The following SORD variants were observed in gnomAD, a reference collection of about 807,000 sequenced individuals.
SORD encodes the protein sorbitol dehydrogenase, also known as (R,R)-butanediol dehydrogenase.
A neutral mutation model predicts 35.6 loss-of-function variants in SORD; 18 were observed. The ratio of observed to expected loss-of-function variants is 0.51; its 90% CI spans 0.35 to 0.75. SORD has a LOEUF of 0.75. Ranked by LOEUF, SORD falls within the 30% of genes least tolerant of loss-of-function variation. SORD has a pLI of 0.01. For missense variants in SORD, 250 were observed against 390.2 expected (o/e 0.64, Z 3.03); for synonymous variants, 106 against 152.9 (o/e 0.69, Z 2.26).
At chr15:45,052,467 G>A (rs1192798487) in intron 3 of SORD, among the ~76,000 whole-genome samples, 1 of 152,154 alleles carries the variant, frequency 6.6e-6, no homozygotes, top group African/African-American at 2.4e-5. Flanking sequence ...TAGAGGCCTT[G>A]GACAAAGGGC....
intron 3 of SORD, among the ~76,000 whole-genome samples, chr15:45,051,510 T>A (rs1000046875): frequency 6.6e-6 from 1 of 152,210 alleles, no homozygotes; most frequent in Non-Finnish European, 1.5e-5. Context: ...TCAAAGCACT[T>A]GATATTATGA....
intron 1 of SORD, among the ~76,000 whole-genome samples, chr15:45,029,770 G>A (rs1378036155): frequency 8.5e-5 from 13 of 152,248 alleles, no homozygotes; most frequent in Non-Finnish European, 1.9e-4. Flanking sequence ...GAATTTTACT[G>A]AGCAATGAAA....
At chr15:45,038,796 T>C (rs894839374) in intron 1 of SORD, among the ~76,000 whole-genome samples, 2 of 152,196 alleles carry the variant, frequency 1.3e-5, no homozygotes, top group Non-Finnish European at 2.9e-5. Flanking sequence ...GGGCTGCCTA[T>C]GAAAGTAGCT....
chr15:45,053,377 G>A (rs1028264421), intron 3 of SORD, among the ~76,000 whole-genome samples: 26 of 152,182 alleles, frequency 1.7e-4, no homozygotes, highest in Non-Finnish European at 7.3e-5. Flanking sequence ...TACATTAAGG[G>A]AAGAGTCATA....
At chr15:45,051,131 G>A (rs1160323945) in intron 3 of SORD, among the ~76,000 whole-genome samples, 1 of 152,108 alleles carries the variant, frequency 6.6e-6, no homozygotes, top group Non-Finnish European at 1.5e-5. Flanking sequence ...GACAACAATT[G>A]TCTGTGAATG....
At chr15:45,062,473 G>A (rs1489467671) in intron 4 of SORD, among the ~76,000 whole-genome samples, 2 of 151,964 alleles carry the variant, frequency 1.3e-5, no homozygotes, top group Admixed American at 6.5e-5. Context: ...CCTGGCCCCA[G>A]TGGTGGTTTT....
chr15:45,027,191 G>T (rs149433403), intron 1 of SORD, among the ~76,000 whole-genome samples: 1 of 152,246 alleles, frequency 6.6e-6, no homozygotes, highest in South Asian at 2.1e-4. Context: ...AAGTTTGAGA[G>T]TTGGAGGGAG....
At chr15:45,062,903 A>G (rs1245526547) in intron 4 of SORD, among the ~76,000 whole-genome samples, 1 of 145,592 alleles carries the variant, frequency 6.9e-6, no homozygotes, top group Non-Finnish European at 1.5e-5. Flanking sequence ...ATGAGATCCA[A>G]TGAGAAAAGC....
At chr15:45,042,358 G>A (rs1892980586) in intron 2 of SORD, 1 of 152,152 alleles carries the variant, frequency 6.6e-6, no homozygotes, top group Non-Finnish European at 1.5e-5. Context: ...CGGGCGTGGT[G>A]GCGCATACCT....
At chr15:45,036,373 G>A in intron 1 of SORD, 1 of 455,922 alleles carries the variant, frequency 2.2e-6, no homozygotes, top group South Asian at 1.5e-5. Context: ...ATTCCTTTTA[G>A]TCCTCTTGTA....
chr15:45,028,235 CG>C (rs1245248454), intron 1 of SORD, among the ~76,000 whole-genome samples: 1 of 149,746 alleles, frequency 6.7e-6, no homozygotes, highest in African/African-American at 2.5e-5. Context: ...GGCTGAGGCA[CG>C]AGAATCACTT....
intron 3 of SORD, among the ~76,000 whole-genome samples, chr15:45,060,712 T>C (rs533543774): frequency 2.0e-5 from 3 of 149,122 alleles, no homozygotes; most frequent in Non-Finnish European, 3.0e-5. Flanking sequence ...ATACTTGGCT[T>C]GCCTTAGCTG....
chr15:45,026,020 C>T (rs576437293), intron 1 of SORD, among the ~76,000 whole-genome samples: 8 of 152,250 alleles, frequency 5.3e-5, no homozygotes, highest in African/African-American at 1.7e-4. Context: ...AGCCCCAACA[C>T]TGGAGGGGAA....
rs752540495 is a variant in SORD, at chr15:45,069,194, C to CTTTT, written c.786+169_786+172dup. 123 of 116,980 alleles carry CTTTT rather than the reference C, an allele frequency of 1.1e-3. 2 individuals are homozygous for CTTTT. The highest frequency in any genetic ancestry group is 1.3e-3 in the Non-Finnish European group (69 of 55,006). The allele number at this position is 116,980 out of a possible 1,614,324, so 7.2% of individuals were successfully genotyped here. On this transcript the variant is annotated intron_variant, in intron 7 of 8. Transcript: ENST00000267814. ...CTTTTGCCATCTATGTTTTCTTTTT[C>CTTTT]TTTTTTTTTTTTTTTTTTTTTTTTT...
chr15:45,038,156 CTT>C (rs1892902815), intron 1 of SORD, among the ~76,000 whole-genome samples: 1 of 146,082 alleles, frequency 6.8e-6, no homozygotes. Context: ...TCCTTCCTTC[CTT>C]CCTTCCTTCC....
At chr15:45,026,250 A>G (rs1328929686) in intron 1 of SORD, among the ~76,000 whole-genome samples, 4 of 152,212 alleles carry the variant, frequency 2.6e-5, no homozygotes, top group African/African-American at 7.2e-5. Flanking sequence ...GGTCAGTAGT[A>G]AACCAGAGAT....
rs1892773915 is a variant in SORD, at chr15:45,031,032, TA to T, written c.66+7684del. Among the ~76,000 whole-genome samples the T allele has an allele frequency of 2.0e-5, 3 of 152,320 alleles. No homozygotes were observed. In the South Asian group the frequency reaches 6.2e-4, roughly 32 times the overall value. The stretch of plus-strand genomic sequence containing the variant: ...TATATTCAACACACACAGGCAGTGA[TA>T]GGGGAGGTCGGGGCAGCCATGGTGG... On this transcript the variant is annotated intron_variant, in intron 1 of 8. Transcript: ENST00000267814.
chr15:45,044,681 A>G (rs1566959931), intron 3 of SORD, among the ~76,000 whole-genome samples: 1 of 138,640 alleles, frequency 7.2e-6, no homozygotes. Flanking sequence ...TAGATGTACA[A>G]TTCTTTCTTT....
At chr15:45,048,876 G>A (rs1009915037) in intron 3 of SORD, among the ~76,000 whole-genome samples, 5 of 152,320 alleles carry the variant, frequency 3.3e-5, no homozygotes, top group East Asian at 1.9e-4. Context: ...AGCTGCCTAC[G>A]TAACTTCCCT....
Sources: allele counts gnomAD v4.1 joint callset (sites outside exome capture counted in the v4.1 genomes callset), GRCh38; gene constraint gnomAD v4.1.1; transcripts MANE v1.5; gene names NCBI Gene and HGNC (gene_info 2026-07-23, HGNC 2026-07-21).